Variants in RALYL observed in about 807,000 individuals in gnomAD.
RALYL encodes the protein RNA-binding Raly-like protein.
Under a neutral mutation model 35.1 loss-of-function variants are expected in RALYL, and 29 were observed. The observed-to-expected ratio is 0.83, with a 90% CI of 0.61 to 1.13. The LOEUF is 1.13. Ranked by LOEUF, RALYL falls within the 50% of genes most tolerant of loss-of-function variation. The probability of loss-of-function intolerance (pLI) is 0.00; values close to 1 mark genes in which losing one functional copy is unlikely to be tolerated. For synonymous variants in RALYL, 120 were observed against 127.6 expected (o/e 0.94, Z 0.40); for missense variants, 359 against 360.4 (o/e 1.00, Z 0.03).
chr8:84,754,957 A>G (rs1187475772), intron 2 of RALYL, among the ~76,000 whole-genome samples: 1 of 152,156 alleles, frequency 6.6e-6, no homozygotes, highest in Non-Finnish European at 1.5e-5. Flanking sequence ...TGCTTGGGTA[A>G]CTTGCCCAAG....
chr8:84,551,788 C>T (rs187214096), intron 2 of RALYL, among the ~76,000 whole-genome samples: 1 of 152,190 alleles, frequency 6.6e-6, no homozygotes, highest in African/African-American at 2.4e-5. Flanking sequence ...GTGCATGGTG[C>T]TGAATAAATA....
chr8:84,810,532 G>GTTTC (rs1301098220), intron 4 of RALYL, among the ~76,000 whole-genome samples: 1 of 152,090 alleles, frequency 6.6e-6, no homozygotes, highest in Non-Finnish European at 1.5e-5. Context: ...TAAATCCATT[G>GTTTC]TTTCTTTGTT....
intron 1 of RALYL, among the ~76,000 whole-genome samples, chr8:84,404,796 G>T (rs1301828289): frequency 6.6e-6 from 1 of 152,018 alleles, no homozygotes; most frequent in Non-Finnish European, 1.5e-5. Context: ...GAATCTGTCT[G>T]GTCCAGAAGT....
chr8:84,714,936 CT>C (rs1443571922), intron 2 of RALYL, among the ~76,000 whole-genome samples: 5 of 151,514 alleles, frequency 3.3e-5, no homozygotes, highest in African/African-American at 1.2e-4. Context: ...TGCATTGTTG[CT>C]CTTTAGGATA....
intron 3 of RALYL, among the ~76,000 whole-genome samples, chr8:84,793,331 G>T (rs1821225804): frequency 1.3e-5 from 2 of 152,160 alleles, no homozygotes; most frequent in South Asian, 4.1e-4. Context: ...AGTTAGGCTG[G>T]GTGGTATGAA....
chr8:84,457,727 C>G (rs1254902927), intron 1 of RALYL, among the ~76,000 whole-genome samples: 1 of 151,836 alleles, frequency 6.6e-6, no homozygotes, highest in Non-Finnish European at 1.5e-5. Context: ...ATTTGCACGT[C>G]TTTCTCCTTT....
chr8:84,744,443 A>G (rs16913184), intron 2 of RALYL, among the ~76,000 whole-genome samples: 174 of 152,114 alleles, frequency 1.1e-3, no homozygotes, highest in Non-Finnish European at 1.8e-3. Context: ...TTTAGGTCCC[A>G]TTGAAGCAAA....
chr8:84,612,182 T>C (rs988973046), intron 2 of RALYL, among the ~76,000 whole-genome samples: 7 of 152,052 alleles, frequency 4.6e-5, no homozygotes, highest in African/African-American at 1.7e-4. Context: ...TAGTGAGATT[T>C]ATTTATTATT....
intron 7 of RALYL, among the ~76,000 whole-genome samples, chr8:84,880,664 C>T (rs531089045): frequency 6.6e-6 from 1 of 152,076 alleles, no homozygotes; most frequent in South Asian, 2.1e-4. Flanking sequence ...TATTGAGGTA[C>T]AGTTTACATA....
At chr8:84,224,355 A>G (rs1459771547) in intron 1 of RALYL, among the ~76,000 whole-genome samples, 1 of 152,160 alleles carries the variant, frequency 6.6e-6, no homozygotes, top group African/African-American at 2.4e-5. Flanking sequence ...GAGGCTCACT[A>G]AGTGAATATT....
At chr8:84,845,490 A>C (rs1049552151) in intron 4 of RALYL, among the ~76,000 whole-genome samples, 1 of 152,146 alleles carries the variant, frequency 6.6e-6, no homozygotes, top group Non-Finnish European at 1.5e-5. Context: ...GTGTCTGTTC[A>C]TGTCTTTTGC....
At chr8:84,308,385 G>C (rs1189660791) in intron 1 of RALYL, among the ~76,000 whole-genome samples, 1 of 152,022 alleles carries the variant, frequency 6.6e-6, no homozygotes. Flanking sequence ...ATTTAAAACA[G>C]TCTCAACTCC....
intron 7 of RALYL, among the ~76,000 whole-genome samples, 180 bp from the exon 8 acceptor site, chr8:84,887,424 A>C (rs1843075851): frequency 6.6e-6 from 1 of 152,224 alleles, no homozygotes; most frequent in African/African-American, 2.4e-5. Flanking sequence ...GTGCACATAG[A>C]AATCTGTACA....
chr8:84,650,808 A>G (rs1197171923), intron 2 of RALYL, among the ~76,000 whole-genome samples: 2 of 152,076 alleles, frequency 1.3e-5, no homozygotes, highest in East Asian at 3.9e-4. Flanking sequence ...AATAGCAAAG[A>G]CTTGGAACCA....
chr8:84,786,104 G>A (rs11785171), intron 3 of RALYL, among the ~76,000 whole-genome samples: 453 of 152,310 alleles, frequency 3.0e-3, no homozygotes, highest in Admixed American at 5.2e-3. Context: ...TCCTGTGTTA[G>A]TTTGCTGAGG....
chr8:84,866,856 G>T (rs900684973), intron 6 of RALYL, among the ~76,000 whole-genome samples: 3 of 152,068 alleles, frequency 2.0e-5, no homozygotes, highest in African/African-American at 7.2e-5. Flanking sequence ...AGTATTGAAG[G>T]GTTCAGATTT....
chr8:84,871,107 C>A (rs1389554294), intron 6 of RALYL, among the ~76,000 whole-genome samples: 1 of 152,132 alleles, frequency 6.6e-6, no homozygotes, highest in East Asian at 1.9e-4. Context: ...TGTTACATTT[C>A]AACATTGTTT....
intron 1 of RALYL, among the ~76,000 whole-genome samples, chr8:84,201,048 A>C (rs1164724879): frequency 6.6e-6 from 1 of 152,190 alleles, no homozygotes; most frequent in Non-Finnish European, 1.5e-5. Context: ...GATGGTGATA[A>C]ATTTCACAAG....
chr8:84,411,420 T>C (rs1458030496), intron 1 of RALYL, among the ~76,000 whole-genome samples: 1 of 151,930 alleles, frequency 6.6e-6, no homozygotes, highest in Admixed American at 6.6e-5. Flanking sequence ...AGTGTCATCA[T>C]ACTGCTTCTA....
Sources: allele counts gnomAD v4.1 joint callset (sites outside exome capture counted in the v4.1 genomes callset), GRCh38; gene constraint gnomAD v4.1.1; transcripts MANE v1.5; gene names NCBI Gene and HGNC (gene_info 2026-07-23, HGNC 2026-07-21).